Variants in RREB1 observed in about 807,000 individuals in gnomAD.
The protein encoded by RREB1 is ras-responsive element-binding protein 1.
Under a neutral mutation model 117.8 loss-of-function variants are expected in RREB1, and 27 were observed. The observed-to-expected ratio is 0.23, with a 90% CI of 0.17 to 0.32. The LOEUF is 0.32. Among genes scored for constraint, RREB1 ranks in the 10% least tolerant of loss-of-function variants. The pLI is 1.00. For missense variants in RREB1, 2,577 were observed against 2,378.2 expected (o/e 1.08, Z -1.74); for synonymous variants, 1,298 against 1,026.7 (o/e 1.26, Z -5.05).
In RREB1 at chr6:7,182,048, C is replaced by A; in HGVS notation, c.137C>A (p.Pro46His). ...CAGGGGATCAAGTCCCCCTCGAAGCCTCCAGGACCAAATCGGATTGGCAGA... is the reference window on the plus strand; with the variant it reads ...CAGGGGATCAAGTCCCCCTCGAAGCATCCAGGACCAAATCGGATTGGCAGA... ...SPQGIKSPSK[P>H]PGPNRIGRRN... is the part of the protein sequence containing the mutation. The change falls in exon 4 of 13, where the codon CCT becomes CAT. Residue 46 changes from proline (P) to histidine (H), a missense_variant. By Grantham distance (77) the Pro-to-His change is moderately conservative (BLOSUM62 -2). Transcript: ENST00000379938. 1 of 1,614,198 alleles carries A rather than the reference C, an allele frequency of 6.2e-7. No individual in the cohort carries two copies. The highest frequency in any genetic ancestry group is 8.5e-7 in the Non-Finnish European group (1 of 1,180,032).
At chr6:7,181,713 C>T (rs1182632945) in intron 3 of RREB1, 157 bp from the exon 4 acceptor site, 4 of 675,588 alleles carry the variant, frequency 5.9e-6, no homozygotes, top group Admixed American at 2.6e-5. Context: ...ATGAAAGCTT[C>T]CATCACTCTG....
At chr6:7,235,103 T>C (rs1337261693) in intron 10 of RREB1, among the ~76,000 whole-genome samples, 2 of 152,248 alleles carry the variant, frequency 1.3e-5, no homozygotes, top group African/African-American at 2.4e-5. Flanking sequence ...TTGGTGCCCA[T>C]TGAGCTCCAT....
intron 8 of RREB1, chr6:7,217,387 G>A (rs1456123195): frequency 1.3e-5 from 2 of 152,254 alleles, no homozygotes; most frequent in African/African-American, 4.8e-5. Context: ...TTCTCGGCAG[G>A]TATTTCGCAG....
In RREB1 at chr6:7,248,650, G is replaced by A. The variant is rs756289901; in HGVS notation, c.4911G>A (p.Glu1637=). The change falls in exon 13 of 13, where the codon GAG becomes GAA. Residue 1637 remains glutamate, a synonymous_variant. Coordinates refer to ENST00000379938, the MANE Select transcript of RREB1 (RefSeq NM_001003699.4). ...ACAGCGACAAGGAAGAGCGGGGTGA[G>A]GAGGACAGCGAGAATGAGTCCACCC... ...GKDSDKEERG[E]EDSENESTHS... is the part of the protein sequence containing the mutation. The A allele has an allele frequency of 1.9e-6, 3 of 1,614,098 alleles. No individual in the cohort carries two copies. The highest frequency in any genetic ancestry group is 2.5e-6 in the Non-Finnish European group (3 of 1,180,010).
rs934849674 is a variant in RREB1, at chr6:7,189,174, G to A, written c.277G>A (p.Gly93Arg). 21 of 1,613,162 alleles carry A rather than the reference G, an allele frequency of 1.3e-5. No homozygotes were observed. The highest frequency in any genetic ancestry group is 1.8e-5 in the Non-Finnish European group (21 of 1,179,956). ...CTTTCTGCAGCACAACACAGACACT[G>A]GAGGAGCCGACCACTCATGCAGCAT... is the stretch of plus-strand genomic sequence containing the variant. ...MHIRQHNTDT[G>R]GADHSCSICG... The change falls in exon 6 of 13, where the codon GGA becomes AGA. Residue 93 changes from glycine (G) to arginine (R), a missense_variant. Physicochemically the swap from Gly to Arg is moderately radical, Grantham distance 125. Coordinates refer to ENST00000379938, the MANE Select transcript of RREB1 (RefSeq NM_001003699.4).
chr6:7,134,025 C>T (rs1383680520), intron 1 of RREB1, among the ~76,000 whole-genome samples: 1 of 152,004 alleles, frequency 6.6e-6, no homozygotes, highest in Non-Finnish European at 1.5e-5. Context: ...TTTGATGTGG[C>T]ATAATTTTGG....
chr6:7,123,040 G>GC (rs1761744697), intron 1 of RREB1, among the ~76,000 whole-genome samples: 1 of 152,186 alleles, frequency 6.6e-6, no homozygotes. Flanking sequence ...CCGTGGTGTT[G>GC]CCCCTCGGGT....
chr6:7,211,024 A>C, intron 7 of RREB1, 76 bp downstream of exon 7: 1 of 1,436,452 alleles, frequency 7.0e-7, no homozygotes, highest in Admixed American at 2.0e-5. Flanking sequence ...TTATTTTCTC[A>C]GTGTGGAGAC....
chr6:7,134,673 T>A (rs1015207785), intron 1 of RREB1, among the ~76,000 whole-genome samples: 15 of 152,312 alleles, frequency 9.8e-5, no homozygotes, highest in African/African-American at 3.6e-4. Context: ...TAATTGTACA[T>A]ATATGTGTAA....
intron 1 of RREB1, among the ~76,000 whole-genome samples, chr6:7,134,413 A>T (rs568565323): frequency 6.6e-6 from 1 of 152,160 alleles, no homozygotes; most frequent in African/African-American, 2.4e-5. Flanking sequence ...TGTGTCCTTT[A>T]TCTGTGGTTG....
rs1760911031 is a variant in RREB1, at chr6:7,108,026, G to C, written c.-319G>C. On this transcript the variant is annotated 5_prime_UTR_variant, in exon 1 of 13. Transcript: ENST00000379938. ...TCCCTGAAGCCCACCGGTCCCCAAC[G>C]CATCATGCCAGGGAGCCAAGCGTCC... 2 of 152,362 alleles carry C rather than the reference G, an allele frequency of 1.3e-5. No individual in the cohort carries two copies. The highest frequency in any genetic ancestry group is 2.1e-4 in the South Asian group (1 of 4,832). The allele number at this position is 152,362 out of a possible 1,614,324, so 9.4% of individuals were successfully genotyped here.
intron 7 of RREB1, 29 bp from the exon 8 acceptor site, chr6:7,211,544 A>T: frequency 6.2e-7 from 1 of 1,612,300 alleles, no homozygotes; most frequent in South Asian, 1.1e-5. Context: ...GGAGACCTTC[A>T]TGACTTCACT....
chr6:7,229,310 C>A lies in RREB1; in HGVS notation c.1211C>A (p.Pro404His), dbSNP rs1441838664. 5 of 1,614,074 alleles carry A rather than the reference C, an allele frequency of 3.1e-6. No homozygotes were observed. Among genetic ancestry groups the A allele is most frequent in the Non-Finnish European group, 4.2e-6 (5 of 1,180,044 alleles). ...QTLKCQLPQD[P>H]GCTNLLSLSP... ...CTCAAGTGTCAGCTACCTCAGGACC[C>A]CGGCTGCACCAACCTGCTGAGCCTG... is the stretch of plus-strand genomic sequence containing the variant. The change falls in exon 10 of 13, where the codon CCC (proline) becomes CAC (histidine). Residue 404 changes from proline (P) to histidine (H), a missense_variant. Transcript: ENST00000379938. This position sits in a 1 kb window ranked among gnomAD's most constrained non-coding sequence, Gnocchi z 4.5.
rs1255073659 is a variant in RREB1, at chr6:7,241,125, G to C, written c.3973+523G>C. Among the ~76,000 whole-genome samples the C allele has an allele frequency of 2.0e-5, 3 of 152,014 alleles. No homozygotes were observed. The South Asian group carries it at 6.2e-4, about 32-fold the overall frequency. On this transcript the variant is annotated intron_variant, in intron 11 of 12. Transcript: ENST00000379938. Reference sequence around the variant, plus strand: ...TGTAAGACTGTCCTTGTTTGAAAAAGCACTGTGCATGTCCTTTCTTTAATC... The same window carrying C: ...TGTAAGACTGTCCTTGTTTGAAAAACCACTGTGCATGTCCTTTCTTTAATC...
At chr6:7,150,346 A>G (rs981892537) in intron 1 of RREB1, among the ~76,000 whole-genome samples, 8 of 152,218 alleles carry the variant, frequency 5.3e-5, no homozygotes, top group African/African-American at 1.9e-4. Context: ...GTTTGCTGTA[A>G]CGCATGGTTA....
Position 7,247,158 on chromosome 6 carries a change from A to T in RREB1, c.4708A>T (p.Ser1570Cys), listed in dbSNP as rs1409671686. The T allele has an allele frequency of 6.2e-7, 1 of 1,613,934 alleles. No individual in the cohort carries two copies. Residue 1570 changes from serine to cysteine, a missense_variant, in exon 12 of 13, where the codon AGC becomes TGC. Physicochemically the swap from Ser to Cys is moderately radical, Grantham distance 112. Coordinates refer to ENST00000379938, the MANE Select transcript of RREB1 (RefSeq NM_001003699.4). The part of the protein sequence containing the change: ...SKADKRKKVC[S>C]VCNKRFWSLQ... Reference sequence around the variant, plus strand: ...GGCAGACAAGAGGAAGAAGGTCTGCAGCGTGTGCAACAAGCGGTTCTGGTC... The same window carrying T: ...GGCAGACAAGAGGAAGAAGGTCTGCTGCGTGTGCAACAAGCGGTTCTGGTC...
At chr6:7,155,511 C>T (rs1030000712) in intron 1 of RREB1, among the ~76,000 whole-genome samples, 10 of 152,206 alleles carry the variant, frequency 6.6e-5, no homozygotes, top group African/African-American at 2.4e-4. Flanking sequence ...GGGTTTCACC[C>T]TGTTGGCCTG....
intron 1 of RREB1, among the ~76,000 whole-genome samples, chr6:7,119,288 T>C (rs141529254): frequency 3.4e-3 from 520 of 151,208 alleles, no homozygotes; most frequent in African/African-American, 0.012. Context: ...GAGGCAGAGG[T>C]TGAATGAGCT....
intron 11 of RREB1, among the ~76,000 whole-genome samples, 194 bp downstream of exon 11, chr6:7,240,796 C>T (rs780035472): frequency 1.3e-5 from 2 of 152,160 alleles, no homozygotes; most frequent in African/African-American, 2.4e-5. Flanking sequence ...TGGGTCAGAT[C>T]GCCTAGACAG....
Sources: allele counts gnomAD v4.1 joint callset (sites outside exome capture counted in the v4.1 genomes callset), GRCh38; gene constraint gnomAD v4.1.1; non-coding constraint Gnocchi (gnomAD v3.1); transcripts MANE v1.5; gene names NCBI Gene and HGNC (gene_info 2026-07-23, HGNC 2026-07-21).